Variants in RNF216 observed in about 807,000 individuals in gnomAD.
RNF216 encodes E3 ubiquitin-protein ligase RNF216.
In RNF216, 72 loss-of-function variants were observed where a neutral mutation model predicts 110.8. The ratio of observed to expected loss-of-function variants is 0.65; its 90% CI spans 0.54 to 0.79. RNF216 has a LOEUF of 0.79. RNF216 is among the 30% of genes least tolerant of loss of function. The probability of loss-of-function intolerance (pLI) is 0.00; values close to 1 mark genes in which losing one functional copy is unlikely to be tolerated. For synonymous variants in RNF216, 495 were observed against 407.5 expected (o/e 1.21, Z -2.59); for missense variants, 1,342 against 1,141.2 (o/e 1.18, Z -2.54).
At chr7:5,643,262 G>C (rs1356420419) in intron 14 of RNF216, among the ~76,000 whole-genome samples, 1 of 152,058 alleles carries the variant, frequency 6.6e-6, no homozygotes, top group Non-Finnish European at 1.5e-5. Flanking sequence ...GATAGGGCCA[G>C]AATGGAGTTT....
chr7:5,754,729 A>G (rs925082794), intron 2 of RNF216, among the ~76,000 whole-genome samples: 10 of 152,236 alleles, frequency 6.6e-5, no homozygotes, highest in East Asian at 1.9e-4. Flanking sequence ...GGTGTACCCA[A>G]TGAAAAAGTT....
At position 5,622,945 on chromosome 7, in the gene RNF216, A is replaced by G. The variant is rs1429727377; in HGVS notation, c.2687T>C (p.Val896Ala). ...PYVPPLPNVRVNYDFGPIHMP... is the reference protein window; with the variant it reads ...PYVPPLPNVRANYDFGPIHMP... ...GTGGATGGGACCGAAGTCATAGTTGACCCGCACGTTGGGCAGAGGGGGCAC... is the reference window on the plus strand; with the variant it reads ...GTGGATGGGACCGAAGTCATAGTTGGCCCGCACGTTGGGCAGAGGGGGCAC... The change falls in exon 17 of 17, where the codon GTC becomes GCC. Residue 896 changes from valine to alanine, a missense_variant. Coordinates refer to ENST00000389902, the MANE Select transcript of RNF216 (RefSeq NM_207111.4). 6.2e-7 allele frequency: 1 copy of G among 1,613,612 alleles called. No individual in the cohort carries two copies. Among genetic ancestry groups the G allele is most frequent in the Non-Finnish European group, 8.5e-7 (1 of 1,179,940 alleles).
chr7:5,772,907 T>C lies in RNF216; in HGVS notation c.-70+8634A>G, dbSNP rs548250361. Among the ~76,000 whole-genome samples the C allele has an allele frequency of 3.9e-3, 586 of 151,660 alleles. 1 individual carries two copies. The highest frequency in any genetic ancestry group is 0.014 in the African/African-American group (571 of 41,342). Reference sequence around the variant, plus strand: ...AATTCTCCTGCCTCACCCTCCCGAGTAGCTGGGATTACAGGCATGCGCCAC... The same window carrying C: ...AATTCTCCTGCCTCACCCTCCCGAGCAGCTGGGATTACAGGCATGCGCCAC... On this transcript the variant is annotated intron_variant, in intron 1 of 16. Transcript: ENST00000389902.
At chr7:5,746,638 C>T (rs1017881411) in intron 3 of RNF216, among the ~76,000 whole-genome samples, 3 of 152,070 alleles carry the variant, frequency 2.0e-5, no homozygotes, top group Non-Finnish European at 4.4e-5. Context: ...AACGTCATCC[C>T]GGTCCTGAGA....
At chr7:5,694,756 T>C (rs1216704173) in intron 13 of RNF216, among the ~76,000 whole-genome samples, 1 of 152,170 alleles carries the variant, frequency 6.6e-6, no homozygotes, top group Non-Finnish European at 1.5e-5. Flanking sequence ...GTTGGGCTGG[T>C]CTCCTGGTCT....
rs11319565 is a variant in RNF216 at position 5,671,805 on chromosome 7, C to CAAAAAAAAAAA, written c.2062-19306_2062-19296dup. Reference sequence around the variant, plus strand: ...GAGCAAAGAGACCAAAACTCCGTCTCAAAAAAAAAAAAAAAAAAAAAAAAG... The same window carrying CAAAAAAAAAAA: ...GAGCAAAGAGACCAAAACTCCGTCTCAAAAAAAAAAAAAAAAAAAAAAAAAAAAAAAAAAAG... On this transcript the variant is annotated intron_variant, in intron 13 of 16. Coordinates refer to ENST00000389902, the MANE Select transcript of RNF216 (RefSeq NM_207111.4). 3.3e-4 allele frequency among the ~76,000 whole-genome samples: 18 copies of CAAAAAAAAAAA among 54,216 alleles called. 2 individuals carry two copies. The highest frequency in any genetic ancestry group is 1.1e-3 in the African/African-American group (13 of 12,378). 35.6% of individuals were successfully genotyped at this position (54,216 alleles called of 152,430 possible).
intron 13 of RNF216, among the ~76,000 whole-genome samples, chr7:5,711,556 A>G (rs1792691461): frequency 2.0e-5 from 3 of 152,214 alleles, no homozygotes; most frequent in Non-Finnish European, 4.4e-5. Flanking sequence ...GAGCTTTGTA[A>G]CTGGAGTGGC....
At chr7:5,736,999 G>A (rs1274933613) in intron 5 of RNF216, among the ~76,000 whole-genome samples, 1 of 152,122 alleles carries the variant, frequency 6.6e-6, no homozygotes, top group East Asian at 1.9e-4. Flanking sequence ...CCCTCTGCCC[G>A]GCCGCCACCC....
intron 1 of RNF216, chr7:5,780,421 T>A (rs964998621): frequency 1.3e-5 from 2 of 152,034 alleles, no homozygotes; most frequent in Non-Finnish European, 2.9e-5. Context: ...GGAGAACATA[T>A]CTGAAACGTC....
intron 5 of RNF216, among the ~76,000 whole-genome samples, chr7:5,737,204 G>A (rs189159099): frequency 1.2e-3 from 186 of 152,352 alleles, no homozygotes; most frequent in African/African-American, 4.4e-3. Flanking sequence ...TTGGGATGCT[G>A]TTGATCTATT....
chr7:5,741,280 G>GT lies in RNF216; in HGVS notation c.736dup (p.Thr246AsnfsTer12). On this transcript the variant is annotated frameshift_variant, in exon 4 of 17. Coordinates refer to ENST00000389902, the MANE Select transcript of RNF216 (RefSeq NM_207111.4). LOFTEE classifies it high-confidence loss of function. ...CCGTTCCTGAGGAACGACCTGGTTT[G>GT]TTATTTCACGGGGCTGTTGGTTCAG... 6.2e-7 allele frequency: 1 copy of GT among 1,614,082 alleles called. No individual in the cohort carries two copies. The highest frequency in any genetic ancestry group is 8.5e-7 in the Non-Finnish European group (1 of 1,179,972).
At position 5,622,917 on chromosome 7, in the gene RNF216, C is replaced by A. The variant is rs148282284; in HGVS notation, c.2715G>T (p.Met905Ile). 9.9e-6 allele frequency: 16 copies of A among 1,613,152 alleles called. No homozygotes were observed. The highest frequency in any genetic ancestry group is 1.7e-4 in the Middle Eastern group (1 of 6,054). ...GCATGGGCAGGTTGTGCTCCAGGGGCATGTGGATGGGACCGAAGTCATAGT... is the reference window on the plus strand; with the variant it reads ...GCATGGGCAGGTTGTGCTCCAGGGGAATGTGGATGGGACCGAAGTCATAGT... Reference protein sequence around the residue: ...RVNYDFGPIHMPLEHNLPMHF... With the variant: ...RVNYDFGPIHIPLEHNLPMHF... Residue 905 changes from methionine to isoleucine, a missense_variant, in exon 17 of 17, where the codon ATG (methionine) becomes ATT (isoleucine). Coordinates refer to ENST00000389902, the MANE Select transcript of RNF216 (RefSeq NM_207111.4).
At chr7:5,727,424 T>C (rs935569552) in intron 7 of RNF216, among the ~76,000 whole-genome samples, 1 of 152,200 alleles carries the variant, frequency 6.6e-6, no homozygotes, top group Non-Finnish European at 1.5e-5. Flanking sequence ...GTCCTCATCT[T>C]GCACAAACTC....
At position 5,770,617 on chromosome 7, in the gene RNF216, G is replaced by A. The variant is rs971685787; in HGVS notation, c.-69-9479C>T. Among the ~76,000 whole-genome samples the A allele has an allele frequency of 2.6e-5, 4 of 151,944 alleles. No homozygotes were observed. The South Asian group carries it at 8.3e-4, about 32-fold the overall frequency. On this transcript the variant is annotated intron_variant, in intron 1 of 16. Transcript: ENST00000389902. Reference sequence around the variant, plus strand: ...CAACCTTTATCAGGTTTTAAGAATAGATATATACTAGATGACTTTAGAATT... The same window carrying A: ...CAACCTTTATCAGGTTTTAAGAATAAATATATACTAGATGACTTTAGAATT...
At chr7:5,746,590 A>C (rs1795042301) in intron 3 of RNF216, among the ~76,000 whole-genome samples, 1 of 152,240 alleles carries the variant, frequency 6.6e-6, no homozygotes, top group African/African-American at 2.4e-5. Context: ...TCAGATGGAA[A>C]CTGCAAAGTG....
chr7:5,672,963 C>T (rs1251366582), intron 13 of RNF216, among the ~76,000 whole-genome samples: 2 of 152,276 alleles, frequency 1.3e-5, no homozygotes, highest in African/African-American at 2.4e-5. Flanking sequence ...ACTGAGATGT[C>T]CTGGCTACAG....
intron 1 of RNF216, among the ~76,000 whole-genome samples, chr7:5,769,905 CGAGTGCTTGTAGCCA>C (rs77039506): frequency 0.47 from 70,067 of 148,964 alleles, 17,026 homozygotes; most frequent in Admixed American, 0.54. Flanking sequence ...GGCTTGGTGG[CGAGTGCTTGTAGCCA>C]GGAGGCTGAG....
chr7:5,751,314 G>A (rs976898462), intron 3 of RNF216, among the ~76,000 whole-genome samples: 8 of 152,144 alleles, frequency 5.3e-5, no homozygotes, highest in African/African-American at 1.9e-4. Flanking sequence ...GGTCCTGGGT[G>A]AAAGCCTAAC....
At chr7:5,758,897 G>T (rs961060904) in intron 2 of RNF216, among the ~76,000 whole-genome samples, 3 of 152,168 alleles carry the variant, frequency 2.0e-5, no homozygotes, top group Non-Finnish European at 4.4e-5. Context: ...ATGTGAGAAG[G>T]ACAAGAGACT....
Sources: gnomAD v4.1 joint callset for allele counts (sites outside exome capture counted in the v4.1 genomes callset) on GRCh38, gnomAD v4.1.1 for gene constraint, MANE v1.5 for transcripts, NCBI Gene and HGNC (gene_info 2026-07-23, HGNC 2026-07-21) for gene names.